The following LARP4B variants were observed in gnomAD, a reference collection of about 807,000 sequenced individuals.
The protein encoded by LARP4B is la-related protein 4B.
LARP4B carries 12 observed loss-of-function variants against 89.8 expected under a neutral mutation model. The observed-to-expected ratio is 0.13, with a 90% CI of 0.09 to 0.22. The LOEUF (loss-of-function observed/expected upper bound fraction) is 0.22, where lower values mean the gene tolerates loss of function less well. Ranked by LOEUF, LARP4B falls within the 10% of genes least tolerant of loss-of-function variation. LARP4B has a pLI of 1.00. For synonymous variants in LARP4B, 367 were observed against 363.3 expected, an observed-to-expected ratio of 1.01 and a Z score of -0.12; for missense variants, 757 against 947.7, an observed-to-expected ratio of 0.80 and a Z score of 2.64.
chr10:930,620 G>C (rs948070613), intron 1 of LARP4B, among the ~76,000 whole-genome samples: 6 of 152,222 alleles, frequency 3.9e-5, no homozygotes, highest in Admixed American at 2.6e-4. Context: ...CACCCTGAGA[G>C]GCAGGTGCAG....
intron 5 of LARP4B, among the ~76,000 whole-genome samples, chr10:857,897 A>C (rs933368351): frequency 6.6e-6 from 1 of 152,222 alleles, no homozygotes; most frequent in Admixed American, 6.5e-5. Context: ...AAATTTAAAA[A>C]AGGATTTTAG....
Position 845,060 on chromosome 10 carries a change from A to G in LARP4B, c.431-5T>C, listed in dbSNP as rs372378916. 2.5e-6 allele frequency: 4 copies of G among 1,601,234 alleles called. No individual in the cohort carries two copies. Among genetic ancestry groups the G allele is most frequent in the Non-Finnish European group, 3.4e-6 (4 of 1,174,586 alleles). The stretch of plus-strand genomic sequence containing the variant: ...CTGGTTGAGACTCATTTCCTCCTAC[A>G]TAAAAGTAATAATCAACTTAGGAAA... On this transcript the variant is annotated splice_polypyrimidine_tract_variant and splice_region_variant and intron_variant, in intron 5 of 17. Transcript: ENST00000316157.
intron 1 of LARP4B, among the ~76,000 whole-genome samples, chr10:911,798 G>C (rs1283831549): frequency 3.3e-5 from 5 of 152,076 alleles, no homozygotes; most frequent in Non-Finnish European, 7.3e-5. Flanking sequence ...TGGTTTTCGG[G>C]GGCTTTCGGG....
intron 1 of LARP4B, among the ~76,000 whole-genome samples, chr10:923,503 TAA>T (rs201722042): frequency 1.6e-4 from 20 of 122,670 alleles, no homozygotes; most frequent in Non-Finnish European, 1.8e-4. Flanking sequence ...ATGGACCCAG[TAA>T]AAAAAAAAAA....
intron 1 of LARP4B, among the ~76,000 whole-genome samples, chr10:931,119 T>TCCCCTGCCCCGGCCTC (rs1830589058): frequency 2.0e-5 from 3 of 148,264 alleles, no homozygotes; most frequent in South Asian, 4.3e-4. Context: ...GCCCCGGCCT[T>TCCCCTGCCCCGGCCTC]CCCCTGCCCC....
chr10:948,620 C>T, the LARP4B span, among the ~76,000 whole-genome samples: 1 of 152,242 alleles, frequency 6.6e-6, no homozygotes, highest in African/African-American at 2.4e-5. Context: ...AGACGTCCAC[C>T]CCCACAGGAC....
intron 1 of LARP4B, among the ~76,000 whole-genome samples, chr10:908,295 GA>G (rs1423513513): frequency 6.6e-6 from 1 of 152,202 alleles, no homozygotes. Flanking sequence ...GCAGCCCAAA[GA>G]GGGCATGGGA....
intron 1 of LARP4B, among the ~76,000 whole-genome samples, chr10:923,683 G>A (rs1837051826): frequency 7.2e-5 from 11 of 152,140 alleles, no homozygotes; most frequent in Admixed American, 7.2e-4. Flanking sequence ...TAAAGGACCT[G>A]ATATTTTTAA....
intron 7 of LARP4B, 88 bp downstream of exon 7, chr10:842,844 G>T: frequency 8.0e-7 from 1 of 1,249,186 alleles, no homozygotes; most frequent in Non-Finnish European, 1.1e-6. Flanking sequence ...GGACCTTAAC[G>T]TTTGATGGCT....
chr10:916,167 T>C (rs1836816066), intron 1 of LARP4B, among the ~76,000 whole-genome samples: 1 of 152,186 alleles, frequency 6.6e-6, no homozygotes, highest in African/African-American at 2.4e-5. Flanking sequence ...AATCCTGATA[T>C]GTCTTGATAT....
intron 1 of LARP4B, among the ~76,000 whole-genome samples, chr10:907,981 G>GC (rs1282026727): frequency 6.6e-6 from 1 of 152,228 alleles, no homozygotes; most frequent in Non-Finnish European, 1.5e-5. Context: ...CGAGGCAGGT[G>GC]CATCACCTGA....
At chr10:857,113 GAA>G (rs1834343494) in intron 5 of LARP4B, among the ~76,000 whole-genome samples, 1 of 152,092 alleles carries the variant, frequency 6.6e-6, no homozygotes, top group South Asian at 2.1e-4. Context: ...TGGCTCTCAA[GAA>G]AGTTACAAGG....
chr10:879,310 C>G (rs1361728637), intron 3 of LARP4B, among the ~76,000 whole-genome samples: 1 of 152,216 alleles, frequency 6.6e-6, no homozygotes, highest in Non-Finnish European at 1.5e-5. Context: ...AGAGTATCCC[C>G]CATCCTGGGG....
At chr10:909,993 T>C (rs1836623017) in intron 1 of LARP4B, among the ~76,000 whole-genome samples, 1 of 152,148 alleles carries the variant, frequency 6.6e-6, no homozygotes, top group South Asian at 2.1e-4. Context: ...AGTTGAGCTA[T>C]GTGAGGTATG....
intron 1 of LARP4B, among the ~76,000 whole-genome samples, chr10:896,629 T>TATTTATAATATTAATTG (rs1393008996): frequency 6.6e-6 from 1 of 152,222 alleles, no homozygotes; most frequent in Non-Finnish European, 1.5e-5. Context: ...TAAAAATGTA[T>TATTTATAATATTAATTG]ATTTATAATA....
chr10:829,442 G>A lies in LARP4B; in HGVS notation c.1068C>T (p.Tyr356=), dbSNP rs762433730. ...MYSPQQQFPL[Y]SLITPQTWSA... Reference sequence around the variant, plus strand: ...ACCACGTCTGGGGAGTGATCAGGCTGTACAGGGGGAACTGCTGCTGGGGGC... The same window carrying A: ...ACCACGTCTGGGGAGTGATCAGGCTATACAGGGGGAACTGCTGCTGGGGGC... Residue 356 remains tyrosine (Y), a synonymous_variant, in exon 11 of 18, where the codon TAC becomes TAT. Transcript: ENST00000316157. 4 of 1,614,026 alleles carry A rather than the reference G, an allele frequency of 2.5e-6. No homozygotes were observed. In the Admixed American group the frequency reaches 6.7e-5, roughly 27 times the overall value.
the LARP4B span, chr10:988,335 G>T: frequency 5.0e-5 from 34 of 680,316 alleles, 1 homozygote; most frequent in South Asian, 5.4e-4. Flanking sequence ...TGTGCGACGC[G>T]GAAAGCGCCG....
In LARP4B at chr10:813,129, G is replaced by T. The variant is rs866146679; in HGVS notation, c.2014C>A (p.Gln672Lys). 2 of 1,614,100 alleles carry T rather than the reference G, an allele frequency of 1.2e-6. No individual in the cohort carries two copies. The highest frequency in any genetic ancestry group is 1.1e-5 in the South Asian group (1 of 91,076). Residue 672 changes from glutamine (Q) to lysine (K), a missense_variant, in exon 18 of 18, where the codon CAA becomes AAA. This residue lies in a region of LARP4B where 387 missense variants were observed against 423.6 expected (regional missense o/e 0.91). Coordinates refer to ENST00000316157, the MANE Select transcript of LARP4B (RefSeq NM_015155.3). ...PSSPLQPQKEQKPNTVGCGKE... is the reference protein window; with the variant it reads ...PSSPLQPQKEKKPNTVGCGKE... Reference sequence around the variant, plus strand: ...CCACAACCAACAGTGTTTGGCTTTTGTTCTTTTTGGGGTTGCAATGGGGAA... The same window carrying T: ...CCACAACCAACAGTGTTTGGCTTTTTTTCTTTTTGGGGTTGCAATGGGGAA...
At chr10:827,155 A>G (rs1384875074) in intron 11 of LARP4B, among the ~76,000 whole-genome samples, 2 of 152,100 alleles carry the variant, frequency 1.3e-5, no homozygotes, top group South Asian at 2.1e-4. Flanking sequence ...GGGCGCCTGT[A>G]GTCCCAGCTA....
Sources: allele counts gnomAD v4.1 joint callset (sites outside exome capture counted in the v4.1 genomes callset), GRCh38; gene constraint gnomAD v4.1.1; regional missense constraint gnomAD v4.1.1; transcripts MANE v1.5; gene names NCBI Gene and HGNC (gene_info 2026-07-23, HGNC 2026-07-21).